TFAM: variants seen among roughly 807,000 people sequenced by gnomAD.
TFAM encodes the protein transcription factor A, mitochondrial.
TFAM carries 13 observed loss-of-function variants against 30.6 expected under a neutral mutation model. The observed-to-expected ratio is 0.42, with a 90% CI of 0.28 to 0.67. The LOEUF (loss-of-function observed/expected upper bound fraction) is 0.67. Among genes scored for constraint, TFAM ranks in the 30% least tolerant of loss-of-function variants. The pLI is 0.21. For missense variants in TFAM, 231 were observed against 293.7 expected (o/e 0.79, Z 1.56); for synonymous variants, 106 against 94.8 (o/e 1.12, Z -0.69).
intron 4 of TFAM, 139 bp from the exon 5 acceptor site, chr10:58,390,626 T>C (rs1012741002): frequency 2.9e-6 from 2 of 689,482 alleles, no homozygotes; most frequent in Non-Finnish European, 4.9e-6. Flanking sequence ...CAAGATGTAA[T>C]AATCACACTA....
chr10:58,387,154 T>C (rs1209889198), intron 2 of TFAM, among the ~76,000 whole-genome samples: 1 of 152,082 alleles, frequency 6.6e-6, no homozygotes, highest in Non-Finnish European at 1.5e-5. Context: ...TCCCAGCTAC[T>C]TGGGAGGCTG....
At chr10:58,392,601 T>C (rs1364523604) in intron 5 of TFAM, among the ~76,000 whole-genome samples, 1 of 152,176 alleles carries the variant, frequency 6.6e-6, no homozygotes, top group African/African-American at 2.4e-5. Context: ...ACTGTACCTG[T>C]ACCTGGTTTT....
chr10:58,387,497 G>C (rs1175035371), intron 2 of TFAM, among the ~76,000 whole-genome samples: 1 of 152,160 alleles, frequency 6.6e-6, no homozygotes, highest in African/African-American at 2.4e-5. Flanking sequence ...GAAATACGAG[G>C]CTGTGTTATA....
Position 58,386,356 on chromosome 10 carries a change from A to G in TFAM, c.220+18A>G, listed in dbSNP as rs762510423. On this transcript the variant is annotated intron_variant, in intron 2 of 6. Coordinates refer to ENST00000487519, the MANE Select transcript of TFAM (RefSeq NM_003201.3). ...GAACCCAGGTAAGGAGTTTTGGGGC[A>G]TATACCCTTTTCTCATGTAATAAAA... 4 of 1,528,862 alleles carry G rather than the reference A, an allele frequency of 2.6e-6. No homozygotes were observed. Among genetic ancestry groups the G allele is most frequent in the Non-Finnish European group, 2.7e-6 (3 of 1,102,266 alleles). The allele number at this position is 1,528,862 out of a possible 1,614,324, so 94.7% of individuals were successfully genotyped here. A position where few individuals can be genotyped will look rare whatever the true frequency, so the allele number is the denominator to read the frequency against.
chr10:58,388,809 C>CAA lies in TFAM; in HGVS notation c.440_441dup (p.Glu148LysfsTer3). ...AAACATTTAAAAAGGAAAGCTATGA[C>CAA]AAAAAAAAAAGTGAGTATCATTGAA... On this transcript the variant is annotated frameshift_variant, in exon 4 of 7. Transcript: ENST00000487519. LOFTEE classifies it high-confidence loss of function. 3.6e-6 allele frequency: 5 copies of CAA among 1,378,080 alleles called. No homozygotes were observed. The highest frequency in any genetic ancestry group is 2.1e-5 in the Admixed American group (1 of 48,080). The allele number at this position is 1,378,080 out of a possible 1,614,324, so 85.4% of individuals were successfully genotyped here.
chr10:58,388,552 T>C, intron 3 of TFAM, 118 bp from the exon 4 acceptor site: 1 of 1,126,944 alleles, frequency 8.9e-7, no homozygotes, highest in South Asian at 1.3e-5. Context: ...CAGAGCACAT[T>C]TTCCACCTGG....
chr10:58,392,211 GT>G (rs1840610111), intron 5 of TFAM, among the ~76,000 whole-genome samples: 1 of 152,036 alleles, frequency 6.6e-6, no homozygotes, highest in Admixed American at 6.6e-5. Flanking sequence ...AAATTTTTGA[GT>G]TTTGCATGTC....
Position 58,386,303 on chromosome 10 carries a change from A to G in TFAM, c.185A>G (p.Lys62Arg), listed in dbSNP as rs1414155796. The G allele has an allele frequency of 1.2e-6, 2 of 1,613,864 alleles. No homozygotes were observed. The highest frequency in any genetic ancestry group is 1.7e-6 in the Non-Finnish European group (2 of 1,179,880). Residue 62 changes from lysine to arginine, a missense_variant, in exon 2 of 7, where the codon AAA (lysine) becomes AGA (arginine). Coordinates refer to ENST00000487519, the MANE Select transcript of TFAM (RefSeq NM_003201.3). ...KPVSSYLRFS[K>R]EQLPIFKAQN... ...GTAAGTTCTTACCTTCGATTTTCTAAAGAACAACTACCCATATTTAAAGCT... is the reference window on the plus strand; with the variant it reads ...GTAAGTTCTTACCTTCGATTTTCTAGAGAACAACTACCCATATTTAAAGCT...
Position 58,397,349 on chromosome 10 carries a change from C to T in TFAM, c.*2275C>T, listed in dbSNP as rs1420373288. The T allele has an allele frequency of 6.6e-6, 1 of 152,102 alleles. No homozygotes were observed. The highest frequency in any genetic ancestry group is 6.5e-5 in the Admixed American group (1 of 15,276). 9.4% of individuals were successfully genotyped at this position (152,102 alleles called of 1,614,324 possible). ...ACTACCCGTATTATTTTATACTTAA[C>T]ATTCATATCATACCTTCCCAAATAT... is the stretch of plus-strand genomic sequence containing the variant. On this transcript the variant is annotated 3_prime_UTR_variant, in exon 7 of 7. Coordinates refer to ENST00000487519, the MANE Select transcript of TFAM (RefSeq NM_003201.3).
chr10:58,386,787 G>A (rs1235854365), intron 2 of TFAM: 1 of 815,770 alleles, frequency 1.2e-6, no homozygotes, highest in Non-Finnish European at 1.5e-6. Flanking sequence ...GATAAGAAAG[G>A]ATAAACCTTT....
chr10:58,391,944 C>G (rs1185088897), intron 5 of TFAM, among the ~76,000 whole-genome samples: 1 of 126,338 alleles, frequency 7.9e-6, no homozygotes, highest in Non-Finnish European at 1.7e-5. Flanking sequence ...TTTTTTTGTA[C>G]TTACCAATAA....
chr10:58,393,776 T>C (rs1192384989), intron 5 of TFAM, among the ~76,000 whole-genome samples: 1 of 151,904 alleles, frequency 6.6e-6, no homozygotes, highest in East Asian at 1.9e-4. Flanking sequence ...ATATCTGTGG[T>C]CCCAGCTACT....
chr10:58,391,558 A>G (rs972516163), intron 5 of TFAM, among the ~76,000 whole-genome samples: 1 of 151,854 alleles, frequency 6.6e-6, no homozygotes, highest in Admixed American at 6.6e-5. Flanking sequence ...ACATTTTTAT[A>G]TTGTTGCTTC....
chr10:58,394,471 T>C, intron 6 of TFAM, 57 bp downstream of exon 6: 1 of 1,410,690 alleles, frequency 7.1e-7, no homozygotes, highest in Non-Finnish European at 1.0e-6. Context: ...TGAGAGAATG[T>C]ATTAGGGCAA....
At chr10:58,390,413 A>G (rs2132355443) in intron 4 of TFAM, among the ~76,000 whole-genome samples, 1 of 152,298 alleles carries the variant, frequency 6.6e-6, no homozygotes, top group East Asian at 1.9e-4. Context: ...GCATGCAGTG[A>G]TTTGGTCAAG....
Position 58,395,621 on chromosome 10 carries a change from G to A in TFAM, c.*547G>A, listed in dbSNP as rs1840668522. ...GTTGCAACTTTGTATAAAAGGGACT[G>A]AGAAATTTATAAACTTTTTTCTTAC... On this transcript the variant is annotated 3_prime_UTR_variant, in exon 7 of 7. Transcript: ENST00000487519. 1 of 250,538 alleles carries A rather than the reference G, an allele frequency of 4.0e-6. No individual in the cohort carries two copies. 15.5% of individuals were successfully genotyped at this position (250,538 alleles called of 1,614,324 possible). A position where few individuals can be genotyped will look rare whatever the true frequency, so the allele number is the denominator to read the frequency against.
chr10:58,388,338 G>C (rs1840529655), intron 3 of TFAM, 78 bp downstream of exon 3: 5 of 1,207,650 alleles, frequency 4.1e-6, no homozygotes, highest in Non-Finnish European at 4.9e-6. Flanking sequence ...TAAAGGACCA[G>C]ATGGATCAGA....
chr10:58,394,632 C>CTTTA, intron 6 of TFAM: 1 of 685,898 alleles, frequency 1.5e-6, no homozygotes. Context: ...ACTCATAAGC[C>CTTTA]TGAGTGTCCA....
Position 58,388,819 on chromosome 10 carries a change from A to AG in TFAM, c.441+1dup. 6.3e-7 allele frequency: 1 copy of AG among 1,597,904 alleles called. No individual in the cohort carries two copies. Among genetic ancestry groups the AG allele is most frequent in the Non-Finnish European group, 8.6e-7 (1 of 1,168,436 alleles). Reference sequence around the variant, plus strand: ...AAAGGAAAGCTATGACAAAAAAAAAAGTGAGTATCATTGAAATACTTTTTT... The same window carrying AG: ...AAAGGAAAGCTATGACAAAAAAAAAAGGTGAGTATCATTGAAATACTTTTTT... On this transcript the variant is annotated frameshift_variant and splice_region_variant. Transcript: ENST00000487519. LOFTEE classifies it high-confidence loss of function.
Sources: gnomAD v4.1 joint callset for allele counts (sites outside exome capture counted in the v4.1 genomes callset) on GRCh38, gnomAD v4.1.1 for gene constraint, MANE v1.5 for transcripts, NCBI Gene and HGNC (gene_info 2026-07-23, HGNC 2026-07-21) for gene names.